The following SETD4 variants were observed in gnomAD, a reference collection of about 807,000 sequenced individuals.
The protein encoded by SETD4 is SET domain-containing protein 4.
A neutral mutation model predicts 58.3 loss-of-function variants in SETD4; 46 were observed. The observed-to-expected ratio is 0.79, with a 90% CI of 0.62 to 1.01. The LOEUF (loss-of-function observed/expected upper bound fraction) is 1.01, where lower values mean the gene tolerates loss of function less well. Among genes scored for constraint, SETD4 ranks in the 50% least tolerant of loss-of-function variants. The pLI is 0.00. For synonymous variants in SETD4, 190 were observed against 202.6 expected, an observed-to-expected ratio of 0.94 and a Z score of 0.53; for missense variants, 490 against 523.3, an observed-to-expected ratio of 0.94 and a Z score of 0.62.
intron 4 of SETD4, chr21:36,050,668 C>T (rs2018721): frequency 0.73 from 1,171,901 of 1,597,724 alleles, 432,100 homozygotes; most frequent in South Asian, 0.83. Context: ...GCTCAAGTAC[C>T]GGAGTTCCCA....
chr21:36,056,548 A>T (rs1203959781), intron 3 of SETD4, among the ~76,000 whole-genome samples: 1 of 152,158 alleles, frequency 6.6e-6, no homozygotes, highest in East Asian at 1.9e-4. Flanking sequence ...TTCCAGAAGA[A>T]AGTGGTTTTT....
chr21:36,041,329 C>T (rs575862619), intron 8 of SETD4, among the ~76,000 whole-genome samples: 6 of 152,266 alleles, frequency 3.9e-5, no homozygotes, highest in African/African-American at 9.6e-5. Flanking sequence ...CACACCATGG[C>T]GGGATCATTT....
intron 9 of SETD4, among the ~76,000 whole-genome samples, chr21:36,039,080 AAT>A (rs2063920542): frequency 6.6e-6 from 1 of 152,186 alleles, no homozygotes; most frequent in African/African-American, 2.4e-5. Context: ...CACAGCCCGG[AAT>A]AGTCTCAGAA....
chr21:36,058,747 C>T (rs1301085483), intron 2 of SETD4, 69 bp downstream of exon 2: 7 of 1,487,778 alleles, frequency 4.7e-6, no homozygotes, highest in African/African-American at 1.4e-5. Context: ...AGAAAAGCTA[C>T]GTATGAACAA....
At chr21:36,059,706 AT>A (rs2065190528) in intron 1 of SETD4, 23 of 965,210 alleles carry the variant, frequency 2.4e-5, no homozygotes, top group East Asian at 1.1e-4. Flanking sequence ...AATTAAAAAA[AT>A]AAAAATAAAA....
chr21:36,042,290 T>C (rs567005083), intron 7 of SETD4: 2 of 152,898 alleles, frequency 1.3e-5, no homozygotes, highest in East Asian at 1.9e-4. Flanking sequence ...GTCTGGATAT[T>C]AGTGACTGCA....
chr21:36,049,100 A>C (rs1163822612), intron 4 of SETD4, among the ~76,000 whole-genome samples: 1 of 152,202 alleles, frequency 6.6e-6, no homozygotes, highest in Non-Finnish European at 1.5e-5. Context: ...GTCGAACTCT[A>C]CCACTTGCAA....
At position 36,045,626 on chromosome 21, in the gene SETD4, G is replaced by A. The variant is rs775795995; in HGVS notation, c.682C>T (p.Leu228Phe). The change falls in exon 6 of 12, where the codon CTC (leucine) becomes TTC (phenylalanine). Residue 228 changes from leucine to phenylalanine, a missense_variant. Physicochemically the swap from Leu to Phe is conservative, Grantham distance 22. Coordinates refer to ENST00000332131, the MANE Select transcript of SETD4 (RefSeq NM_017438.5). ...TTCAGCAGGTCCAGGTACGGAGCGA[G>A]TGCACAGGTGTCCGGCTCTGCAGAA... Reference protein sequence around the residue: ...CLSAEPDTCALAPYLDLLNHS... With the variant: ...CLSAEPDTCAFAPYLDLLNHS... 206 of 1,614,040 alleles carry A rather than the reference G, an allele frequency of 1.3e-4. No homozygotes were observed. Among genetic ancestry groups the A allele is most frequent in the Admixed American group, 3.3e-4 (20 of 60,010 alleles).
chr21:36,044,536 C>T (rs927926261), intron 6 of SETD4, among the ~76,000 whole-genome samples: 2 of 152,334 alleles, frequency 1.3e-5, no homozygotes, highest in Middle Eastern at 3.4e-3. Context: ...CCATGTCTAG[C>T]ATCCTATCAC....
At chr21:36,040,146 C>T (rs2063978262) in intron 9 of SETD4, among the ~76,000 whole-genome samples, 2 of 152,194 alleles carry the variant, frequency 1.3e-5, no homozygotes, top group South Asian at 4.1e-4. Context: ...ACCTGCCTCC[C>T]CCATGGAAAA....
intron 4 of SETD4, chr21:36,053,368 A>C: frequency 1.7e-6 from 1 of 602,288 alleles, no homozygotes. Flanking sequence ...GTGAGAACAA[A>C]ATAAATTTCC....
At chr21:36,040,744 A>G in intron 8 of SETD4, 89 bp from the exon 9 acceptor site, 2 of 1,177,920 alleles carry the variant, frequency 1.7e-6, no homozygotes, top group Non-Finnish European at 2.5e-6. Flanking sequence ...ACACCTTTTT[A>G]AAGAGGTTGC....
intron 4 of SETD4, chr21:36,051,124 C>T: frequency 1.4e-6 from 2 of 1,440,982 alleles, no homozygotes; most frequent in Non-Finnish European, 2.0e-6. Context: ...GCAGACTATA[C>T]TGCCTCCCTT....
intron 4 of SETD4, chr21:36,051,247 T>C (rs1030412996): frequency 4.4e-6 from 7 of 1,602,126 alleles, no homozygotes; most frequent in Non-Finnish European, 6.0e-6. Context: ...GTTGACAACA[T>C]AAGTGCAAGT....
rs771522733 is a variant in SETD4, at chr21:36,043,961, A to G, written c.727-5T>C. On this transcript the variant is annotated splice_polypyrimidine_tract_variant and splice_region_variant and intron_variant, in intron 6 of 11. Transcript: ENST00000332131. ...TTCATTAAACGCTGCTTTTACCTAG[A>G]AAGAAAAACTGTTAAGGTATTTTTT... is the stretch of plus-strand genomic sequence containing the variant. 5.0e-6 allele frequency: 8 copies of G among 1,613,472 alleles called. No individual in the cohort carries two copies. The highest frequency in any genetic ancestry group is 1.1e-5 in the South Asian group (1 of 90,916).
At chr21:36,043,731 T>C (rs1343579514) in intron 7 of SETD4, 51 bp downstream of exon 7, 1 of 1,600,232 alleles carries the variant, frequency 6.2e-7, no homozygotes, top group Non-Finnish European at 8.5e-7. Flanking sequence ...CATCTCCAAA[T>C]GGGGAAAAAA....
At chr21:36,046,145 G>T in intron 5 of SETD4, 134 bp from the exon 6 acceptor site, 1 of 929,070 alleles carries the variant, frequency 1.1e-6, no homozygotes, top group Non-Finnish European at 1.6e-6. Flanking sequence ...AGACTCAAGA[G>T]TTCCTTCCTT....
At chr21:36,050,907 T>A in intron 4 of SETD4, 1 of 1,610,636 alleles carries the variant, frequency 6.2e-7, no homozygotes, top group Non-Finnish European at 8.5e-7. Flanking sequence ...AAGCAACTGC[T>A]CATTAGGTGG....
intron 3 of SETD4, among the ~76,000 whole-genome samples, chr21:36,055,013 G>C (rs1262702014): frequency 6.6e-6 from 1 of 152,222 alleles, no homozygotes; most frequent in Non-Finnish European, 1.5e-5. Context: ...TCCCCTCCCA[G>C]GAGGACACTG....
Sources: gnomAD v4.1 joint callset for allele counts (sites outside exome capture counted in the v4.1 genomes callset) on GRCh38, gnomAD v4.1.1 for gene constraint, MANE v1.5 for transcripts, NCBI Gene and HGNC (gene_info 2026-07-23, HGNC 2026-07-21) for gene names.